The following PTPRD variants were observed in gnomAD, a reference collection of about 807,000 sequenced individuals.
The protein encoded by PTPRD is protein tyrosine phosphatase receptor type D.
PTPRD carries 34 observed loss-of-function variants against 214.5 expected under a neutral mutation model. The observed-to-expected ratio is 0.16, with a 90% confidence interval of 0.12 to 0.21. The LOEUF (loss-of-function observed/expected upper bound fraction) is 0.21, where lower values mean the gene tolerates loss of function less well. PTPRD is among the 10% of genes least tolerant of loss of function. The pLI is 1.00. For missense variants in PTPRD, 2,545 were observed against 2,398.7 expected, an observed-to-expected ratio of 1.06 and a Z score of -1.27; for synonymous variants, 1,128 against 845.7, an observed-to-expected ratio of 1.33 and a Z score of -5.79.
chr9:10,251,845 A>T (rs912019958), intron 3 of PTPRD, among the ~76,000 whole-genome samples: 2 of 152,202 alleles, frequency 1.3e-5, no homozygotes, highest in African/African-American at 4.8e-5. Flanking sequence ...TGGTTACCAG[A>T]GGCTGAGAGG....
intron 5 of PTPRD, among the ~76,000 whole-genome samples, chr9:9,801,595 G>C (rs1410383851): frequency 6.6e-6 from 1 of 152,022 alleles, no homozygotes. Context: ...CAAAACTTTT[G>C]TTGGACTAAG....
intron 7 of PTPRD, among the ~76,000 whole-genome samples, chr9:9,726,237 C>T (rs562132890): frequency 1.6e-4 from 24 of 152,240 alleles, no homozygotes; most frequent in African/African-American, 5.1e-4. Context: ...ACTTCACTAT[C>T]GGATATCCGC....
At chr9:10,263,539 C>T (rs1211482649) in intron 3 of PTPRD, among the ~76,000 whole-genome samples, 1 of 152,004 alleles carries the variant, frequency 6.6e-6, no homozygotes, top group African/African-American at 2.4e-5. Flanking sequence ...ACATTTTGTC[C>T]CTGCCCTAGA....
chr9:9,268,330 G>A (rs529060382), intron 9 of PTPRD, among the ~76,000 whole-genome samples: 4 of 149,896 alleles, frequency 2.7e-5, no homozygotes, highest in Admixed American at 6.7e-5. Context: ...TCTGTATAAT[G>A]AAAATATAAG....
intron 2 of PTPRD, among the ~76,000 whole-genome samples, chr9:10,604,434 GA>G (rs2078789527): frequency 6.6e-6 from 1 of 151,524 alleles, no homozygotes; most frequent in African/African-American, 2.4e-5. Context: ...AGGTGTATGG[GA>G]AAATAGGAAG....
chr9:10,098,141 C>G (rs147164128), intron 3 of PTPRD, among the ~76,000 whole-genome samples: 2,383 of 151,832 alleles, frequency 0.016, 53 homozygotes, highest in African/African-American at 0.054. Context: ...GGCATATATA[C>G]ACCATGGAAT....
chr9:9,778,690 C>G (rs1395087746), intron 5 of PTPRD, among the ~76,000 whole-genome samples: 1 of 152,096 alleles, frequency 6.6e-6, no homozygotes, highest in African/African-American at 2.4e-5. Context: ...CCTGAATGCT[C>G]TACGTTCATA....
intron 3 of PTPRD, among the ~76,000 whole-genome samples, chr9:10,110,958 T>C (rs1376500424): frequency 6.6e-6 from 1 of 152,196 alleles, no homozygotes; most frequent in African/African-American, 2.4e-5. Flanking sequence ...TTGTATTTGA[T>C]GTATGAGGAT....
At chr9:9,217,141 G>C (rs2099952820) in intron 9 of PTPRD, among the ~76,000 whole-genome samples, 1 of 152,102 alleles carries the variant, frequency 6.6e-6, no homozygotes, top group Admixed American at 6.6e-5. Flanking sequence ...GGAGGCTGTA[G>C]GGCTGGCAGT....
chr9:8,879,561 T>G, intron 11 of PTPRD, among the ~76,000 whole-genome samples: 1 of 152,192 alleles, frequency 6.6e-6, no homozygotes, highest in Non-Finnish European at 1.5e-5. Flanking sequence ...TATTTTAGTA[T>G]TGGAGGTCCC....
At chr9:9,024,374 A>T (rs1363276069) in intron 10 of PTPRD, among the ~76,000 whole-genome samples, 1 of 137,890 alleles carries the variant, frequency 7.3e-6, no homozygotes, top group South Asian at 2.2e-4. Flanking sequence ...TTCCTGTATA[A>T]ACAGCCTTGT....
At chr9:8,497,335 A>G in intron 25 of PTPRD, 67 bp from the exon 26 acceptor site, 1 of 1,348,756 alleles carries the variant, frequency 7.4e-7, no homozygotes, top group Non-Finnish European at 1.0e-6. Context: ...AGCCTTATAC[A>G]GGCAGTGTTG....
At chr9:9,798,653 C>A (rs574231239) in intron 5 of PTPRD, among the ~76,000 whole-genome samples, 1 of 152,258 alleles carries the variant, frequency 6.6e-6, no homozygotes, top group South Asian at 2.1e-4. Context: ...ATTCCATCAG[C>A]ATGCAGCAGC....
At chr9:8,740,389 T>G (rs1447984139) in intron 11 of PTPRD, among the ~76,000 whole-genome samples, 1 of 152,188 alleles carries the variant, frequency 6.6e-6, no homozygotes, top group Admixed American at 6.5e-5. Flanking sequence ...AACATCCTCA[T>G]GAAATAATTT....
rs547254852 is a variant in PTPRD at position 9,887,446 on chromosome 9, T to TA, written c.-368+51060dup. ...GTGGCTTAAGAGGCTGCAATACATA[T>TA]AAAAAAACATGATGCATAATACTTG... On this transcript the variant is annotated intron_variant, in intron 5 of 45. Coordinates refer to ENST00000381196, the MANE Select transcript of PTPRD (RefSeq NM_002839.4). Among the ~76,000 whole-genome samples the TA allele has an allele frequency of 1.5e-4, 23 of 152,194 alleles. No individual in the cohort carries two copies. In the East Asian group the frequency reaches 3.9e-3, roughly 26 times the overall value.
chr9:8,450,605 G>T (rs1371556282), intron 33 of PTPRD, among the ~76,000 whole-genome samples: 2 of 152,148 alleles, frequency 1.3e-5, no homozygotes, highest in Non-Finnish European at 2.9e-5. Flanking sequence ...TGTTATAAAT[G>T]TGATTCTTCA....
chr9:9,939,047 G>A (rs542371549), intron 4 of PTPRD, among the ~76,000 whole-genome samples: 1 of 151,114 alleles, frequency 6.6e-6, no homozygotes, highest in Non-Finnish European at 1.5e-5. Flanking sequence ...AGGAATCTCA[G>A]TAGGAAACAG....
chr9:10,398,781 A>C (rs890011369), intron 2 of PTPRD, among the ~76,000 whole-genome samples: 1 of 151,956 alleles, frequency 6.6e-6, no homozygotes, highest in African/African-American at 2.4e-5. Context: ...GACCTTTTCA[A>C]AGTGCTATCA....
intron 7 of PTPRD, among the ~76,000 whole-genome samples, chr9:9,589,477 G>A (rs556192486): frequency 1.3e-5 from 2 of 151,904 alleles, no homozygotes; most frequent in African/African-American, 4.8e-5. Flanking sequence ...TGGTGTTTCT[G>A]ATTCCTCAGT....
Sources: gnomAD v4.1 joint callset for allele counts (sites outside exome capture counted in the v4.1 genomes callset) on GRCh38, gnomAD v4.1.1 for gene constraint, MANE v1.5 for transcripts, NCBI Gene and HGNC (gene_info 2026-07-23, HGNC 2026-07-21) for gene names.